The following CDK17 variants were observed in gnomAD, a reference collection of about 807,000 sequenced individuals.
The protein encoded by CDK17 is cyclin-dependent kinase 17.
CDK17 carries 24 observed loss-of-function variants against 77.6 expected under a neutral mutation model. The observed-to-expected ratio is 0.31, with a 90% CI of 0.22 to 0.44. The LOEUF is 0.44. Ranked by LOEUF, CDK17 falls within the 20% of genes least tolerant of loss-of-function variation. The pLI is 1.00. For synonymous variants in CDK17, 203 were observed against 210.4 expected (o/e 0.96, Z 0.30); for missense variants, 429 against 622.5 (o/e 0.69, Z 3.31).
At chr12:96,323,427 C>T (rs1952850729) in intron 3 of CDK17, among the ~76,000 whole-genome samples, 1 of 151,882 alleles carries the variant, frequency 6.6e-6, no homozygotes. Flanking sequence ...CTGCATTCCC[C>T]TCCAGCCTGG....
In CDK17 at chr12:96,355,745, T is replaced by C. The variant is rs148942067; in HGVS notation, c.-29-20880A>G. Among the ~76,000 whole-genome samples, 572 of 152,244 alleles carry C rather than the reference T, an allele frequency of 3.8e-3. 4 individuals are homozygous for C. The highest frequency in any genetic ancestry group is 0.013 in the African/African-American group (549 of 41,536). On this transcript the variant is annotated intron_variant, in intron 1 of 16. Coordinates refer to ENST00000261211, the MANE Select transcript of CDK17 (RefSeq NM_002595.5). ...GTCGATTCCCTCCACTAGAATGTGG[T>C]CTCCTTAAGAACAGGGAATTAATAT...
Position 96,299,591 on chromosome 12 carries a change from A to G in CDK17, c.601-608T>C, listed in dbSNP as rs560285162. Among the ~76,000 whole-genome samples, 5 of 152,214 alleles carry G rather than the reference A, an allele frequency of 3.3e-5. No homozygotes were observed. In the South Asian group the frequency reaches 8.3e-4, roughly 25 times the overall value. On this transcript the variant is annotated intron_variant, in intron 6 of 16. Coordinates refer to ENST00000261211, the MANE Select transcript of CDK17 (RefSeq NM_002595.5). Reference sequence around the variant, plus strand: ...TTTTCAGTACAGACGGGGTTTCACCATGTTGGCCAGGCTGGTCTCGAACTC... The same window carrying G: ...TTTTCAGTACAGACGGGGTTTCACCGTGTTGGCCAGGCTGGTCTCGAACTC...
chr12:96,346,398 G>A (rs1335396618), intron 1 of CDK17, among the ~76,000 whole-genome samples: 2 of 151,478 alleles, frequency 1.3e-5, no homozygotes, highest in East Asian at 3.9e-4. Context: ...GTTGCAGTAA[G>A]CTGAGATCAT....
At chr12:96,394,456 TGTAGA>T (rs1486018513) in intron 1 of CDK17, among the ~76,000 whole-genome samples, 1 of 152,154 alleles carries the variant, frequency 6.6e-6, no homozygotes, top group African/African-American at 2.4e-5. Context: ...GTACACAAAA[TGTAGA>T]GTATTCTTGA....
chr12:96,311,977 G>A (rs1272756601), intron 4 of CDK17, among the ~76,000 whole-genome samples: 1 of 152,112 alleles, frequency 6.6e-6, no homozygotes, highest in Non-Finnish European at 1.5e-5. Flanking sequence ...AAATAAGAAA[G>A]AGTATATGTG....
At chr12:96,342,915 T>C (rs561530533) in intron 1 of CDK17, among the ~76,000 whole-genome samples, 3 of 152,208 alleles carry the variant, frequency 2.0e-5, no homozygotes, top group East Asian at 1.9e-4. Context: ...TGAGCCAAGA[T>C]TGTGCCATTG....
intron 1 of CDK17, among the ~76,000 whole-genome samples, chr12:96,356,383 T>C (rs1035552988): frequency 2.0e-5 from 3 of 152,202 alleles, no homozygotes; most frequent in South Asian, 2.1e-4. Context: ...GAAGCCTCTG[T>C]TGCCCAGGCT....
intron 1 of CDK17, among the ~76,000 whole-genome samples, chr12:96,368,504 A>G (rs767434528): frequency 2.0e-5 from 3 of 152,142 alleles, no homozygotes; most frequent in Non-Finnish European, 4.4e-5. Context: ...CAGCCAGCAA[A>G]AGAGCTCTGG....
At chr12:96,336,634 AT>A (rs1953044461) in intron 1 of CDK17, among the ~76,000 whole-genome samples, 1 of 152,198 alleles carries the variant, frequency 6.6e-6, no homozygotes, top group African/African-American at 2.4e-5. Context: ...AAAAGTTTCT[AT>A]TCCTTAGCTC....
At chr12:96,384,746 G>T (rs1953943983) in intron 1 of CDK17, among the ~76,000 whole-genome samples, 1 of 152,162 alleles carries the variant, frequency 6.6e-6, no homozygotes, top group African/African-American at 2.4e-5. Context: ...GCTGAGCAGG[G>T]TGGCTAATGC....
intron 1 of CDK17, among the ~76,000 whole-genome samples, chr12:96,384,066 A>G (rs1399897589): frequency 6.6e-6 from 1 of 152,198 alleles, no homozygotes; most frequent in Non-Finnish European, 1.5e-5. Flanking sequence ...CAAGAAAAAA[A>G]AAATCCCATT....
At chr12:96,322,700 G>A (rs755308251) in intron 3 of CDK17, among the ~76,000 whole-genome samples, 39 of 152,102 alleles carry the variant, frequency 2.6e-4, no homozygotes, top group East Asian at 1.9e-4. Context: ...AAATAACGCC[G>A]GTGGCATAGA....
chr12:96,286,368 T>C (rs920941822), intron 12 of CDK17, among the ~76,000 whole-genome samples: 3 of 151,988 alleles, frequency 2.0e-5, no homozygotes, highest in Non-Finnish European at 4.4e-5. Context: ...TGGTCCTTTT[T>C]CTATCCAGTT....
chr12:96,295,509 A>C (rs1253853063), intron 9 of CDK17: 1 of 152,214 alleles, frequency 6.6e-6, no homozygotes, highest in Non-Finnish European at 1.5e-5. Flanking sequence ...ACAACCAACC[A>C]ACCCCCCTCC....
chr12:96,373,835 G>A (rs571236371), intron 1 of CDK17, among the ~76,000 whole-genome samples: 4 of 151,654 alleles, frequency 2.6e-5, no homozygotes, highest in Admixed American at 1.3e-4. Flanking sequence ...CAGGAGAATC[G>A]CTTGAACCTG....
chr12:96,286,025 C>A lies in CDK17; in HGVS notation c.1322+18G>T, dbSNP rs745421311. 2 of 1,287,288 alleles carry A rather than the reference C, an allele frequency of 1.6e-6. No individual in the cohort carries two copies. Among genetic ancestry groups the A allele is most frequent in the Non-Finnish European group, 2.2e-6 (2 of 894,404 alleles). The allele number at this position is 1,287,288 out of a possible 1,614,324, so 79.7% of individuals were successfully genotyped here. A position where few individuals can be genotyped will look rare whatever the true frequency, so the allele number is the denominator to read the frequency against. ...GAATCATGTGTTTTCCCCCCTTTCACATAAGAAAAAAAAATACCTGGGTGC... is the reference window on the plus strand; with the variant it reads ...GAATCATGTGTTTTCCCCCCTTTCAAATAAGAAAAAAAAATACCTGGGTGC... On this transcript the variant is annotated intron_variant, in intron 13 of 16. Coordinates refer to ENST00000261211, the MANE Select transcript of CDK17 (RefSeq NM_002595.5).
chr12:96,399,001 G>A (rs1168666858), intron 1 of CDK17: 2 of 152,266 alleles, frequency 1.3e-5, no homozygotes, highest in East Asian at 1.9e-4. Flanking sequence ...GGGAGGAAGA[G>A]AGAGAAGTTC....
chr12:96,292,542 T>TTC (rs1231431678), intron 10 of CDK17, among the ~76,000 whole-genome samples: 1 of 152,086 alleles, frequency 6.6e-6, no homozygotes. Context: ...AAGGCGAAGG[T>TTC]TGTAGTGAGC....
At chr12:96,342,861 C>A (rs1953142418) in intron 1 of CDK17, among the ~76,000 whole-genome samples, 2 of 151,986 alleles carry the variant, frequency 1.3e-5, no homozygotes, top group African/African-American at 4.8e-5. Context: ...ACTCGGGAGG[C>A]TGCCGCAGGA....
Sources: gnomAD v4.1 joint callset for allele counts (sites outside exome capture counted in the v4.1 genomes callset) on GRCh38, gnomAD v4.1.1 for gene constraint, MANE v1.5 for transcripts, NCBI Gene and HGNC (gene_info 2026-07-23, HGNC 2026-07-21) for gene names.